TRIM13: variants seen among roughly 807,000 people sequenced by gnomAD.
The protein encoded by TRIM13 is tripartite motif containing 13.
In TRIM13, 15 loss-of-function variants were observed where a neutral mutation model predicts 27.1. The observed-to-expected ratio is 0.55, with a 90% CI of 0.37 to 0.85. The LOEUF (loss-of-function observed/expected upper bound fraction) is 0.85, where lower values mean the gene tolerates loss of function less well. Ranked by LOEUF, TRIM13 falls within the 40% of genes least tolerant of loss-of-function variation. The pLI is 0.00. For synonymous variants in TRIM13, 193 were observed against 171.5 expected, an observed-to-expected ratio of 1.13 and a Z score of -0.98; for missense variants, 402 against 472.2, an observed-to-expected ratio of 0.85 and a Z score of 1.38.
In TRIM13 at chr13:50,015,056, G is replaced by A. The variant is rs1476098458; in HGVS notation, c.*1892G>A. 1 of 130,384 alleles carries A rather than the reference G, an allele frequency of 7.7e-6. No individual in the cohort carries two copies. The highest frequency in any genetic ancestry group is 1.7e-5 in the Non-Finnish European group (1 of 59,338). The allele number at this position is 130,384 out of a possible 1,614,324, so 8.1% of individuals were successfully genotyped here. On this transcript the variant is annotated 3_prime_UTR_variant, in exon 2 of 2. Coordinates refer to ENST00000378182, the MANE Select transcript of TRIM13 (RefSeq NM_213590.3). ...GTAGACAGGTATGGGGAGGGAGAAT[G>A]CTTTTCCCCTCCCAGTAATAAAAAA...
In TRIM13 at chr13:49,997,297, G is replaced by T. The variant is rs1236735173; in HGVS notation, c.-473G>T. 2.0e-5 allele frequency: 3 copies of T among 153,070 alleles called. No homozygotes were observed. Among genetic ancestry groups the T allele is most frequent in the Non-Finnish European group, 4.4e-5 (3 of 68,820 alleles). 9.5% of individuals were successfully genotyped at this position (153,070 alleles called of 1,614,324 possible). On this transcript the variant is annotated 5_prime_UTR_variant, in exon 1 of 2. Coordinates refer to ENST00000378182, the MANE Select transcript of TRIM13 (RefSeq NM_213590.3). ...TCCGGCAGCGCGGCAGAAACCAGCG[G>T]GGCACTGTCATGGGCCTGGGGAGGA...
intron 1 of TRIM13, among the ~76,000 whole-genome samples, chr13:50,004,534 A>G (rs1874429530): frequency 6.6e-6 from 1 of 151,454 alleles, no homozygotes; most frequent in Admixed American, 6.6e-5. Flanking sequence ...AGGCTGAGGC[A>G]GGTGAATCAT....
Position 50,016,752 on chromosome 13 carries a change from A to G in TRIM13, c.*3588A>G, listed in dbSNP as rs1876639745. ...TCACAAACATTTTTCCCCCCGTAAA[A>G]TGTCTTAATGCTGTCCTACCATTAT... On this transcript the variant is annotated 3_prime_UTR_variant, in exon 2 of 2. Coordinates refer to ENST00000378182, the MANE Select transcript of TRIM13 (RefSeq NM_213590.3). The G allele has an allele frequency of 6.0e-6, 1 of 167,052 alleles. No homozygotes were observed. 10.3% of individuals were successfully genotyped at this position (167,052 alleles called of 1,614,324 possible).
chr13:50,005,538 G>T (rs1425240333), intron 1 of TRIM13, among the ~76,000 whole-genome samples: 1 of 151,576 alleles, frequency 6.6e-6, no homozygotes, highest in African/African-American at 2.4e-5. Context: ...GCCTGGCATG[G>T]TTGTAGGCGC....
Position 50,015,730 on chromosome 13 carries a change from T to A in TRIM13, c.*2566T>A. ...TATTACCCACTGAATTTTCAGACTA[T>A]CTTAGGCTTCAGAGAGAGGCTCTTT... On this transcript the variant is annotated 3_prime_UTR_variant, in exon 2 of 2. Coordinates refer to ENST00000378182, the MANE Select transcript of TRIM13 (RefSeq NM_213590.3). 3.7e-6 allele frequency: 6 copies of A among 1,614,126 alleles called. No homozygotes were observed. The highest frequency in any genetic ancestry group is 5.1e-6 in the Non-Finnish European group (6 of 1,179,978).
chr13:50,000,159 A>G (rs544592452), intron 1 of TRIM13, among the ~76,000 whole-genome samples: 4 of 152,312 alleles, frequency 2.6e-5, no homozygotes, highest in South Asian at 2.1e-4. Context: ...AAACTCGGGT[A>G]GGTATGGTAA....
In TRIM13 at chr13:50,015,373, G is replaced by C; in HGVS notation, c.*2209G>C. Reference sequence around the variant, plus strand: ...AGTAGTTTCCTGGGAATCTAAGTCTGGTTTTTGTTATTCTTCCCTCCCCTC... The same window carrying C: ...AGTAGTTTCCTGGGAATCTAAGTCTCGTTTTTGTTATTCTTCCCTCCCCTC... On this transcript the variant is annotated 3_prime_UTR_variant, in exon 2 of 2. Coordinates refer to ENST00000378182, the MANE Select transcript of TRIM13 (RefSeq NM_213590.3). The C allele has an allele frequency of 1.3e-6, 1 of 754,212 alleles. No homozygotes were observed. The highest frequency in any genetic ancestry group is 1.8e-5 in the South Asian group (1 of 54,080). 46.7% of individuals were successfully genotyped at this position (754,212 alleles called of 1,614,324 possible).
intron 1 of TRIM13, among the ~76,000 whole-genome samples, chr13:50,005,195 T>C (rs778073501): frequency 6.6e-6 from 1 of 152,126 alleles, no homozygotes; most frequent in Non-Finnish European, 1.5e-5. Context: ...AGCCATACTT[T>C]AAGATTTTGT....
chr13:50,012,630 G>C lies in TRIM13; in HGVS notation c.690G>C (p.Arg230=). The part of the protein sequence containing the change: ...NKLNTILQEQ[R]MAFNIAEAFK... ...TCAACACCATCTTGCAGGAGCAACGGATGGCCTTTAACATTGCTGAGGCTT... is the reference window on the plus strand; with the variant it reads ...TCAACACCATCTTGCAGGAGCAACGCATGGCCTTTAACATTGCTGAGGCTT... The change falls in exon 2 of 2, where the codon CGG becomes CGC. Residue 230 remains arginine (R), a synonymous_variant. Transcript: ENST00000378182. 3 of 1,614,108 alleles carry C rather than the reference G, an allele frequency of 1.9e-6. No homozygotes were observed. In the South Asian group the frequency reaches 3.3e-5, roughly 18 times the overall value.
intron 1 of TRIM13, among the ~76,000 whole-genome samples, chr13:49,999,222 CAA>C (rs1040137521): frequency 6.6e-6 from 1 of 151,966 alleles, no homozygotes; most frequent in Non-Finnish European, 1.5e-5. Context: ...ATTTGCATAA[CAA>C]AAAATTAGGG....
At position 50,012,342 on chromosome 13, in the gene TRIM13, C is replaced by G; in HGVS notation, c.402C>G (p.Ala134=). 6.2e-7 allele frequency: 1 copy of G among 1,614,130 alleles called. No individual in the cohort carries two copies. The highest frequency in any genetic ancestry group is 8.5e-7 in the Non-Finnish European group (1 of 1,180,000). ...ATGTCTTCTGTTCTATTGAAGATGC[C>G]TATGCTCAGGAAAGGGATGCCTTTG... is the stretch of plus-strand genomic sequence containing the variant. The part of the protein sequence containing the change: ...TKHVFCSIED[A]YAQERDAFES... The change falls in exon 2 of 2, where the codon GCC becomes GCG. Residue 134 remains alanine (A), a synonymous_variant. Transcript: ENST00000378182.
At chr13:50,003,071 A>G (rs1357621408) in intron 1 of TRIM13, among the ~76,000 whole-genome samples, 1 of 152,164 alleles carries the variant, frequency 6.6e-6, no homozygotes, top group Non-Finnish European at 1.5e-5. Flanking sequence ...AAATAAGATT[A>G]ACTAGTGTGC....
At chr13:50,001,272 CAA>C (rs922107143) in intron 1 of TRIM13, among the ~76,000 whole-genome samples, 14 of 101,550 alleles carry the variant, frequency 1.4e-4, no homozygotes, top group African/African-American at 4.6e-4. Flanking sequence ...GCCTGGGTGA[CAA>C]GAGCAAAACT....
Position 50,013,018 on chromosome 13 carries a change from A to G in TRIM13, c.1078A>G (p.Lys360Glu), listed in dbSNP as rs780083851. 1 of 1,614,014 alleles carries G rather than the reference A, an allele frequency of 6.2e-7. No homozygotes were observed. Among genetic ancestry groups the G allele is most frequent in the Admixed American group, 1.7e-5 (1 of 59,998 alleles). Residue 360 changes from lysine to glutamate, a missense_variant, in exon 2 of 2, where the codon AAA (lysine) becomes GAA (glutamate). By Grantham distance (56) the Lys-to-Glu change is moderately conservative (BLOSUM62 1). Around this residue, in one of 2 missense-constraint regions of TRIM13, gnomAD observed 200 missense variants for 194.7 expected, o/e 1.03. Coordinates refer to ENST00000378182, the MANE Select transcript of TRIM13 (RefSeq NM_213590.3). ...CLSNFSSYLTKTADFIEQSVF... is the reference protein window; with the variant it reads ...CLSNFSSYLTETADFIEQSVF... ...TTCAAACTTCAGTTCCTATCTGACT[A>G]AAACAGCCGATTTCATAGAACAATC... is the stretch of plus-strand genomic sequence containing the variant.
chr13:50,008,764 T>G (rs1471888277), intron 1 of TRIM13, among the ~76,000 whole-genome samples: 1 of 151,948 alleles, frequency 6.6e-6, no homozygotes. Flanking sequence ...GCCTGTAATC[T>G]CAGTGTTTTG....
rs1026892927 is a variant in TRIM13 at position 50,013,922 on chromosome 13, G to A, written c.*758G>A. 8 of 166,514 alleles carry A rather than the reference G, an allele frequency of 4.8e-5. No homozygotes were observed. The highest frequency in any genetic ancestry group is 9.7e-5 in the African/African-American group (4 of 41,232). 10.3% of individuals were successfully genotyped at this position (166,514 alleles called of 1,614,324 possible). On this transcript the variant is annotated 3_prime_UTR_variant, in exon 2 of 2. Coordinates refer to ENST00000378182, the MANE Select transcript of TRIM13 (RefSeq NM_213590.3). ...TGTAGAAGATTTCACACACACACGC[G>A]TGTGTGGGAGACAACTAAAGGTATT...
chr13:50,003,555 G>C (rs1258165984), intron 1 of TRIM13, among the ~76,000 whole-genome samples: 1 of 152,120 alleles, frequency 6.6e-6, no homozygotes, highest in Non-Finnish European at 1.5e-5. Flanking sequence ...AAGAATTCTA[G>C]AAGGAAGAAG....
At chr13:50,002,675 CT>C (rs796821142) in intron 1 of TRIM13, among the ~76,000 whole-genome samples, 73 of 137,524 alleles carry the variant, frequency 5.3e-4, no homozygotes, top group African/African-American at 1.8e-3. Flanking sequence ...TTTTTTTTTT[CT>C]TTTTGAGATG....
In TRIM13 at chr13:50,012,680, T is replaced by G; in HGVS notation, c.740T>G (p.Val247Gly). Reference sequence around the variant, plus strand: ...TTCAAAGATGTGTCAGAACCCATTGTATTTCTGCAACAGATGCAGGAGTTT... The same window carrying G: ...TTCAAAGATGTGTCAGAACCCATTGGATTTCTGCAACAGATGCAGGAGTTT... ...EAFKDVSEPIVFLQQMQEFRE... is the reference protein window; with the variant it reads ...EAFKDVSEPIGFLQQMQEFRE... Residue 247 changes from valine (V) to glycine (G), a missense_variant, in exon 2 of 2, where the codon GTA (valine) becomes GGA (glycine). By Grantham distance (109) the Val-to-Gly change is moderately radical. This residue lies in a region of TRIM13 where 200 missense variants were observed against 194.7 expected (regional missense o/e 1.03). Coordinates refer to ENST00000378182, the MANE Select transcript of TRIM13 (RefSeq NM_213590.3). The G allele has an allele frequency of 6.2e-7, 1 of 1,614,160 alleles. No homozygotes were observed. Among genetic ancestry groups the G allele is most frequent in the Non-Finnish European group, 8.5e-7 (1 of 1,180,016 alleles).
Sources: allele counts gnomAD v4.1 joint callset (sites outside exome capture counted in the v4.1 genomes callset), GRCh38; gene constraint gnomAD v4.1.1; regional missense constraint gnomAD v4.1.1; transcripts MANE v1.5; gene names NCBI Gene and HGNC (gene_info 2026-07-23, HGNC 2026-07-21).